ZNF385C: variants seen among roughly 807,000 people sequenced by gnomAD.
ZNF385C encodes CTD-2132N18.2.
Under a neutral mutation model 35.4 loss-of-function variants are expected in ZNF385C, and 28 were observed. The ratio of observed to expected loss-of-function variants is 0.79; its 90% CI spans 0.59 to 1.08. The LOEUF is 1.08. ZNF385C is among the 50% of genes least tolerant of loss of function. The pLI is 0.00. For missense variants in ZNF385C, 605 were observed against 595.6 expected (o/e 1.02, Z -0.16); for synonymous variants, 248 against 248.2 (o/e 1.00, Z 0.01).
At chr17:42,027,341 G>A (rs2052609802) in intron 8 of ZNF385C, among the ~76,000 whole-genome samples, 1 of 152,092 alleles carries the variant, frequency 6.6e-6, no homozygotes, top group Non-Finnish European at 1.5e-5. Flanking sequence ...GAAAGTCTCA[G>A]CATGGGAGAA....
intron 2 of ZNF385C, among the ~76,000 whole-genome samples, chr17:42,053,334 GA>G (rs1375904427): frequency 1.3e-5 from 2 of 152,196 alleles, no homozygotes; most frequent in Non-Finnish European, 2.9e-5. Flanking sequence ...CACAGATAAA[GA>G]GGGGGAGGGG....
chr17:42,054,318 C>T (rs1381101530), intron 2 of ZNF385C, among the ~76,000 whole-genome samples: 6 of 152,232 alleles, frequency 3.9e-5, no homozygotes, highest in African/African-American at 1.4e-4. Flanking sequence ...TGCCTCAGGA[C>T]TTGCTGCTGC....
At chr17:42,082,011 C>T (rs970475542) in intron 1 of ZNF385C, among the ~76,000 whole-genome samples, 2 of 152,198 alleles carry the variant, frequency 1.3e-5, no homozygotes, top group African/African-American at 2.4e-5. Flanking sequence ...ACCTGCTGCT[C>T]CCATGAGCAC....
chr17:42,058,876 C>T (rs1402561351), intron 2 of ZNF385C, among the ~76,000 whole-genome samples: 5 of 152,276 alleles, frequency 3.3e-5, no homozygotes, highest in Admixed American at 1.3e-4. Context: ...AGGCTGGTCT[C>T]GAATTCTTGA....
chr17:42,097,824 C>A (rs2053933063), intron 1 of ZNF385C, among the ~76,000 whole-genome samples: 1 of 152,226 alleles, frequency 6.6e-6, no homozygotes, highest in African/African-American at 2.4e-5. Context: ...CAGAAAAGAT[C>A]TACTGAGTTC....
intron 2 of ZNF385C, chr17:42,040,472 C>T (rs2143645363): frequency 1.6e-6 from 2 of 1,232,260 alleles, no homozygotes; most frequent in Non-Finnish European, 2.0e-6. Flanking sequence ...TCCGGCTCTT[C>T]TGCCTGCAGG....
rs782587641 is a variant in ZNF385C, at chr17:42,029,044, G to C, written c.706C>G (p.Leu236Val). 1.3e-6 allele frequency: 2 copies of C among 1,549,986 alleles called. No individual in the cohort carries two copies. Among genetic ancestry groups the C allele is most frequent in the Non-Finnish European group, 1.7e-6 (2 of 1,146,928 alleles). Reference protein sequence around the residue: ...VPAAPPLGPPLQPPPTPDPTC... With the variant: ...VPAAPPLGPPVQPPPTPDPTC... The stretch of plus-strand genomic sequence containing the variant: ...GGGTCTGGAGTTGGTGGTGGCTGGA[G>C]TGGAGGCCCAAGAGGAGGGGCTGCA... The change falls in exon 6 of 9, where the codon CTC (leucine) becomes GTC (valine). Residue 236 changes from leucine (L) to valine (V), a missense_variant. Transcript: ENST00000692273.
chr17:42,065,141 C>G (rs909745100), intron 1 of ZNF385C: 2 of 152,268 alleles, frequency 1.3e-5, no homozygotes, highest in South Asian at 4.1e-4. Context: ...TGTGAGCCAC[C>G]GCGCTGGGTC....
At chr17:42,045,674 G>T (rs1555656574) in intron 2 of ZNF385C, among the ~76,000 whole-genome samples, 2 of 152,170 alleles carry the variant, frequency 1.3e-5, no homozygotes, top group East Asian at 1.9e-4. Context: ...CCTTGGCCCA[G>T]TTCAGGCCCT....
At chr17:42,056,468 C>T (rs1294517732) in intron 2 of ZNF385C, among the ~76,000 whole-genome samples, 2 of 152,174 alleles carry the variant, frequency 1.3e-5, no homozygotes, top group African/African-American at 4.8e-5. Flanking sequence ...GAATTTAGAG[C>T]CAGAAACCTG....
At chr17:42,040,247 C>T in intron 2 of ZNF385C, 1 of 1,231,606 alleles carries the variant, frequency 8.1e-7, no homozygotes, top group Non-Finnish European at 1.0e-6. Flanking sequence ...CGCATGGAGT[C>T]CAGGAAGGAT....
chr17:42,046,329 A>G (rs2053160363), intron 2 of ZNF385C, among the ~76,000 whole-genome samples: 1 of 152,194 alleles, frequency 6.6e-6, no homozygotes, highest in South Asian at 2.1e-4. Flanking sequence ...ATGGTGGCTC[A>G]CACCTGTAAT....
At chr17:42,044,335 G>A (rs2053102625) in intron 2 of ZNF385C, among the ~76,000 whole-genome samples, 2 of 148,330 alleles carry the variant, frequency 1.3e-5, no homozygotes, top group South Asian at 4.2e-4. Flanking sequence ...AAAAAAAGAC[G>A]GCCGGGTGGG....
Position 42,029,021 on chromosome 17 carries a change from G to A in ZNF385C, c.729C>T (p.Asp243=), listed in dbSNP as rs782425019. 11 of 1,550,406 alleles carry A rather than the reference G, an allele frequency of 7.1e-6. No homozygotes were observed. In the South Asian group the frequency reaches 1.2e-4, roughly 17 times the overall value. The change falls in exon 6 of 9, where the codon GAC becomes GAT. Residue 243 remains aspartate (D), a synonymous_variant. Coordinates refer to ENST00000692273, the MANE Select transcript of ZNF385C (RefSeq NM_001392013.1). ...GPPLQPPPTP[D]PTCREPAHSE... ...AGTGGGCTGGCTCCCTGCATGTAGG[G>A]TCTGGAGTTGGTGGTGGCTGGAGTG...
rs530497718 is a variant in ZNF385C at position 42,048,463 on chromosome 17, T to A, written c.251-10578A>T. On this transcript the variant is annotated intron_variant, in intron 2 of 8. Transcript: ENST00000692273. ...GGGAAGCTGAGGCAGGAGGATCACT[T>A]GAGCCCGAGTTTGAGACTGCAGTGA... Among the ~76,000 whole-genome samples, 15 of 152,044 alleles carry A rather than the reference T, an allele frequency of 9.9e-5. No individual in the cohort carries two copies. The South Asian group carries it at 2.7e-3, about 27-fold the overall frequency.
intron 2 of ZNF385C, among the ~76,000 whole-genome samples, chr17:42,059,628 G>GTTTA (rs1305965471): frequency 4.0e-5 from 6 of 151,686 alleles, no homozygotes; most frequent in Non-Finnish European, 5.9e-5. Flanking sequence ...GTTGTTGTTT[G>GTTTA]TTTGTTTGTT....
chr17:42,062,555 C>T (rs1555658078), intron 2 of ZNF385C: 2 of 366,188 alleles, frequency 5.5e-6, no homozygotes, highest in East Asian at 4.0e-5. Flanking sequence ...AGGGAGAGTT[C>T]CCTAGAAACA....
intron 1 of ZNF385C, among the ~76,000 whole-genome samples, chr17:42,082,303 G>A (rs1304589056): frequency 1.3e-5 from 2 of 152,230 alleles, no homozygotes; most frequent in Non-Finnish European, 2.9e-5. Context: ...CTTCCAAAGT[G>A]CTGGGATTAC....
intron 2 of ZNF385C, among the ~76,000 whole-genome samples, chr17:42,055,601 G>C (rs1461221144): frequency 1.3e-5 from 2 of 152,188 alleles, no homozygotes; most frequent in African/African-American, 2.4e-5. Context: ...AAAGGCCTCA[G>C]TATGTGTGTG....
Sources: gnomAD v4.1 joint callset for allele counts (sites outside exome capture counted in the v4.1 genomes callset) on GRCh38, gnomAD v4.1.1 for gene constraint, MANE v1.5 for transcripts, NCBI Gene and HGNC (gene_info 2026-07-23, HGNC 2026-07-21) for gene names.